The following PCDHGA5 variants were observed in gnomAD, a reference collection of about 807,000 sequenced individuals.
PCDHGA5 encodes protocadherin gamma subfamily A, 5.
A neutral mutation model predicts 56.7 loss-of-function variants in PCDHGA5; 36 were observed. That is an observed-to-expected ratio of 0.64 (90% CI 0.49 to 0.84). The LOEUF is 0.84. Ranked by LOEUF, PCDHGA5 falls within the 40% of genes least tolerant of loss-of-function variation. The probability of loss-of-function intolerance (pLI) is 0.00; values close to 1 mark genes in which losing one functional copy is unlikely to be tolerated. For missense variants in PCDHGA5, 1,305 were observed against 1,201.5 expected, an observed-to-expected ratio of 1.09 and a Z score of -1.27; for synonymous variants, 563 against 520.2, an observed-to-expected ratio of 1.08 and a Z score of -1.12.
intron 1 of PCDHGA5, chr5:141,383,906 C>T (rs1779578930): frequency 6.2e-7 from 1 of 1,613,814 alleles, no homozygotes; most frequent in African/African-American, 1.3e-5. Flanking sequence ...GTACTGATCA[C>T]AGTTTTAGAT....
In PCDHGA5 at chr5:141,490,242, T is replaced by G. The variant is rs2099697678; in HGVS notation, c.2422-4565T>G. 6.2e-7 allele frequency: 1 copy of G among 1,614,194 alleles called. No individual in the cohort carries two copies. The highest frequency in any genetic ancestry group is 8.5e-7 in the Non-Finnish European group (1 of 1,180,028). ...GACAGCCTGCCATGGAGGGCCACTG[T>G]GTGATTCAAGTGGATGTGGGGGATG... On this transcript the variant is annotated intron_variant, in intron 1 of 3. Transcript: ENST00000518069. The surrounding 1 kb of genome is among the most constrained non-coding windows in gnomAD (Gnocchi z 5.4).
At position 141,431,667 on chromosome 5, in the gene PCDHGA5, C is replaced by T. The variant is rs759257105; in HGVS notation, c.2422-63140C>T. ...GATTGTAATTCAGGGACAATATCAA[C>T]AATAGGGGAGTTGGACCACGAGGAG... On this transcript the variant is annotated intron_variant, in intron 1 of 3. Coordinates refer to ENST00000518069, the MANE Select transcript of PCDHGA5 (RefSeq NM_018918.3). This position sits in a 1 kb window ranked among gnomAD's most constrained non-coding sequence, Gnocchi z 4.8. 1 of 1,614,226 alleles carries T rather than the reference C, an allele frequency of 6.2e-7. No individual in the cohort carries two copies. The highest frequency in any genetic ancestry group is 1.3e-5 in the African/African-American group (1 of 75,072).
chr5:141,423,159 G>A lies in PCDHGA5; in HGVS notation c.2421+56408G>A, dbSNP rs750186629. On this transcript the variant is annotated intron_variant, in intron 1 of 3. Transcript: ENST00000518069. Reference sequence around the variant, plus strand: ...GAGACGCGCTCAAGCAGAGCCTCGTGGTGGCCGTCCAGGACCACGGCCAGC... The same window carrying A: ...GAGACGCGCTCAAGCAGAGCCTCGTAGTGGCCGTCCAGGACCACGGCCAGC... The A allele has an allele frequency of 1.9e-5, 31 of 1,610,746 alleles. 1 individual carries two copies. The highest frequency in any genetic ancestry group is 3.3e-4 in the Middle Eastern group (2 of 6,080).
intron 1 of PCDHGA5, chr5:141,379,749 T>A (rs1396117156): frequency 6.6e-6 from 1 of 152,138 alleles, no homozygotes; most frequent in African/African-American, 2.4e-5. Flanking sequence ...ATGAGGTTCT[T>A]TAATCCACCT....
intron 2 of PCDHGA5, among the ~76,000 whole-genome samples, chr5:141,498,371 C>T (rs188547878): frequency 6.6e-6 from 1 of 151,838 alleles, no homozygotes; most frequent in Admixed American, 6.6e-5. Flanking sequence ...TGTGGTGAGG[C>T]CTCCTGGGAT....
At chr5:141,482,673 G>A (rs1278135239) in intron 1 of PCDHGA5, among the ~76,000 whole-genome samples, 1 of 152,156 alleles carries the variant, frequency 6.6e-6, no homozygotes, top group Non-Finnish European at 1.5e-5. Context: ...TAAAGGTTGA[G>A]TAGTAGCTTG....
Position 141,364,666 on chromosome 5 carries a change from C to A in PCDHGA5, c.336C>A (p.Asn112Lys), listed in dbSNP as rs1763468271. ...CVVNFNILVE[N>K]KMKIYGVEVE... Reference sequence around the variant, plus strand: ...TGAACTTTAACATCTTGGTTGAGAACAAAATGAAAATTTATGGAGTAGAAG... The same window carrying A: ...TGAACTTTAACATCTTGGTTGAGAAAAAAATGAAAATTTATGGAGTAGAAG... Residue 112 changes from asparagine (N) to lysine (K), a missense_variant, in exon 1 of 4, where the codon AAC (asparagine) becomes AAA (lysine). Asn to Lys is a moderately conservative substitution (Grantham distance 94). Coordinates refer to ENST00000518069, the MANE Select transcript of PCDHGA5 (RefSeq NM_018918.3). The A allele has an allele frequency of 2.5e-6, 4 of 1,614,022 alleles. No homozygotes were observed. The East Asian group carries it at 6.7e-5, about 27-fold the overall frequency.
At chr5:141,394,681 C>G in intron 1 of PCDHGA5, 2 of 1,612,998 alleles carry the variant, frequency 1.2e-6, no homozygotes, top group Non-Finnish European at 1.7e-6. Context: ...GGTCTGCACA[C>G]GGGCGAGGTG....
chr5:141,408,973 T>C (rs754120948), intron 1 of PCDHGA5: 8 of 1,613,718 alleles, frequency 5.0e-6, no homozygotes, highest in South Asian at 1.1e-5. Context: ...ATCTGCCCCC[T>C]GGGTCCCCTG....
intron 1 of PCDHGA5, chr5:141,395,894 C>G (rs768471284): frequency 1.3e-5 from 2 of 152,020 alleles, no homozygotes; most frequent in Non-Finnish European, 2.9e-5. Flanking sequence ...CACCTGGGCT[C>G]CATGCCCATG....
intron 1 of PCDHGA5, chr5:141,412,214 A>G (rs1196919276): frequency 6.6e-6 from 1 of 152,196 alleles, no homozygotes; most frequent in African/African-American, 2.4e-5. Context: ...TGACATAAAC[A>G]CTTACTTGTT....
intron 1 of PCDHGA5, chr5:141,383,918 T>A (rs1779590334): frequency 3.7e-6 from 6 of 1,613,948 alleles, no homozygotes; most frequent in Non-Finnish European, 5.1e-6. Flanking sequence ...GTTTTAGATG[T>A]AAATGATAAT....
At chr5:141,412,561 T>G (rs1183372771) in intron 1 of PCDHGA5, 3 of 152,184 alleles carry the variant, frequency 2.0e-5, no homozygotes, top group Admixed American at 6.5e-5. Context: ...TCTCATGAGT[T>G]TATTTAATAT....
intron 1 of PCDHGA5, among the ~76,000 whole-genome samples, chr5:141,460,804 T>C (rs2098998238): frequency 1.3e-5 from 2 of 152,020 alleles, no homozygotes; most frequent in African/African-American, 4.8e-5. Flanking sequence ...AGTATATATA[T>C]GTATGTATAC....
In PCDHGA5 at chr5:141,381,826, C is replaced by CTTCTTTTTTTTTTT. The variant is rs1777532522; in HGVS notation, c.2421+15077_2421+15078insCTTTTTTTTTTTTT. On this transcript the variant is annotated intron_variant, in intron 1 of 3. Transcript: ENST00000518069. ...TTTCTTTCTTTCTTTCTTTCTTCTT[C>CTTCTTTTTTTTTTT]TTTTTTTTTTTTTTTTTTTTTTGGC... Among the ~76,000 whole-genome samples the CTTCTTTTTTTTTTT allele has an allele frequency of 5.4e-5, 4 of 74,282 alleles. 1 individual carries two copies. Among genetic ancestry groups the CTTCTTTTTTTTTTT allele is most frequent in the African/African-American group, 2.5e-4 (4 of 16,176 alleles). The allele number at this position is 74,282 out of a possible 152,430, so 48.7% of individuals were successfully genotyped here.
intron 1 of PCDHGA5, chr5:141,415,994 C>G: frequency 6.6e-6 from 2 of 303,006 alleles, no homozygotes; most frequent in East Asian, 6.9e-5. Context: ...GTTCTGAAGG[C>G]AGGTCTGGTA....
At chr5:141,409,334 G>A (rs767579166) in intron 1 of PCDHGA5, 1 of 1,613,974 alleles carries the variant, frequency 6.2e-7, no homozygotes, top group South Asian at 1.1e-5. Flanking sequence ...GGATTTCGGA[G>A]GAAATGGAGA....
chr5:141,421,597 AT>A (rs2096587022), intron 1 of PCDHGA5: 1 of 1,613,878 alleles, frequency 6.2e-7, no homozygotes, highest in Non-Finnish European at 8.5e-7. Flanking sequence ...GGAGGTGGAA[AT>A]AATAGATATT....
intron 1 of PCDHGA5, chr5:141,394,510 C>A (rs371348730): frequency 3.1e-6 from 5 of 1,614,216 alleles, no homozygotes; most frequent in Non-Finnish European, 3.4e-6. Context: ...CTGTACCCCG[C>A]CCTCCCCACA....
Sources: gnomAD v4.1 joint callset for allele counts (sites outside exome capture counted in the v4.1 genomes callset) on GRCh38, gnomAD v4.1.1 for gene constraint, Gnocchi (gnomAD v3.1) non-coding constraint, MANE v1.5 for transcripts, NCBI Gene and HGNC (gene_info 2026-07-23, HGNC 2026-07-21) for gene names.